The following PTPRG variants were observed in gnomAD, a reference collection of about 807,000 sequenced individuals.
The protein encoded by PTPRG is protein tyrosine phosphatase receptor type G, also known as receptor-type tyrosine-protein phosphatase gamma.
Under a neutral mutation model 165.3 loss-of-function variants are expected in PTPRG, and 102 were observed. That is an observed-to-expected ratio of 0.62 (90% CI 0.53 to 0.73). The LOEUF (loss-of-function observed/expected upper bound fraction) is 0.73. PTPRG is among the 30% of genes least tolerant of loss of function. PTPRG has a pLI of 0.00. For missense variants in PTPRG, 1,866 were observed against 1,861.4 expected, an observed-to-expected ratio of 1.00 and a Z score of -0.05; for synonymous variants, 675 against 669.5, an observed-to-expected ratio of 1.01 and a Z score of -0.13.
intron 1 of PTPRG, among the ~76,000 whole-genome samples, chr3:61,568,867 C>T (rs1699990272): frequency 6.6e-6 from 1 of 150,626 alleles, no homozygotes; most frequent in African/African-American, 2.5e-5. Context: ...GAGATTGCAC[C>T]ACTGCACTGC....
chr3:61,931,990 C>T (rs2039373686), intron 2 of PTPRG, among the ~76,000 whole-genome samples: 2 of 152,204 alleles, frequency 1.3e-5, no homozygotes, highest in South Asian at 4.1e-4. Flanking sequence ...TTATTGTACT[C>T]ATGACATTCA....
In PTPRG at chr3:61,938,810, G is replaced by A. The variant is rs552605306; in HGVS notation, c.191-50815G>A. ...AATTAACAGGTACATCTTCTGGAATGAGAAAAAAGTAATAGCATTGCTTAA... is the reference window on the plus strand; with the variant it reads ...AATTAACAGGTACATCTTCTGGAATAAGAAAAAAGTAATAGCATTGCTTAA... On this transcript the variant is annotated intron_variant, in intron 2 of 29. Transcript: ENST00000474889. Among the ~76,000 whole-genome samples the A allele has an allele frequency of 2.0e-5, 3 of 152,268 alleles. No individual in the cohort carries two copies. In the East Asian group the frequency reaches 5.8e-4, roughly 29 times the overall value.
intron 4 of PTPRG, among the ~76,000 whole-genome samples, chr3:62,072,487 C>T (rs1050605911): frequency 1.3e-5 from 2 of 152,242 alleles, no homozygotes; most frequent in Admixed American, 6.5e-5. Flanking sequence ...GCTAATGACT[C>T]TCACTTACGA....
chr3:61,638,139 T>A (rs1220666448), intron 1 of PTPRG, among the ~76,000 whole-genome samples: 1 of 152,230 alleles, frequency 6.6e-6, no homozygotes, highest in East Asian at 1.9e-4. Context: ...TTTGCAGGTA[T>A]TCCCAAGTGG....
At chr3:62,084,233 T>A (rs2526423) in intron 5 of PTPRG, among the ~76,000 whole-genome samples, 3 of 152,026 alleles carry the variant, frequency 2.0e-5, no homozygotes, top group African/African-American at 7.3e-5. Context: ...TAAGAAGTAA[T>A]TGAATTGCAT....
chr3:61,648,224 T>C (rs1702258201), intron 1 of PTPRG, among the ~76,000 whole-genome samples: 1 of 152,202 alleles, frequency 6.6e-6, no homozygotes, highest in African/African-American at 2.4e-5. Flanking sequence ...AGGAGATTCG[T>C]TAACATAGTT....
chr3:61,620,412 A>C (rs1701417405), intron 1 of PTPRG, among the ~76,000 whole-genome samples: 1 of 152,196 alleles, frequency 6.6e-6, no homozygotes, highest in African/African-American at 2.4e-5. Context: ...GGAAAATGGG[A>C]TTTGGTTGCC....
intron 2 of PTPRG, among the ~76,000 whole-genome samples, chr3:61,860,712 G>A (rs888852753): frequency 3.3e-5 from 5 of 152,056 alleles, no homozygotes; most frequent in African/African-American, 1.2e-4. Context: ...CCAAAGTGCC[G>A]GGATTACAGG....
At chr3:61,584,414 C>T (rs141709800) in intron 1 of PTPRG, among the ~76,000 whole-genome samples, 279 of 152,242 alleles carry the variant, frequency 1.8e-3, no homozygotes, top group African/African-American at 6.4e-3. Context: ...TCCAGAGTTC[C>T]TCTCTCTTAT....
At chr3:62,008,560 G>A (rs1056010607) in intron 4 of PTPRG, among the ~76,000 whole-genome samples, 5 of 152,194 alleles carry the variant, frequency 3.3e-5, no homozygotes, top group South Asian at 2.1e-4. Flanking sequence ...TCCCTTATCT[G>A]AAACTCTTGA....
At chr3:61,903,548 A>G (rs1267651732) in intron 2 of PTPRG, among the ~76,000 whole-genome samples, 1 of 151,808 alleles carries the variant, frequency 6.6e-6, no homozygotes, top group Non-Finnish European at 1.5e-5. Context: ...TAATTTTTGT[A>G]TGTTTAGTAG....
chr3:61,615,661 T>G (rs1701279219), intron 1 of PTPRG, among the ~76,000 whole-genome samples: 1 of 152,232 alleles, frequency 6.6e-6, no homozygotes, highest in Non-Finnish European at 1.5e-5. Context: ...AATCCATAAA[T>G]CCTCATCAGT....
chr3:61,959,440 G>A (rs910131881), intron 2 of PTPRG, among the ~76,000 whole-genome samples: 1 of 152,168 alleles, frequency 6.6e-6, no homozygotes, highest in South Asian at 2.1e-4. Flanking sequence ...CATCAGGCAC[G>A]TGCAACCTGG....
chr3:61,810,699 A>G lies in PTPRG; in HGVS notation c.190+61717A>G, dbSNP rs190669817. ...TTCTCAGCTCTGTCTGTGTAATGCA[A>G]TTGTCCCTACAATGGCCTTTGACAG... On this transcript the variant is annotated intron_variant, in intron 2 of 29. Coordinates refer to ENST00000474889, the MANE Select transcript of PTPRG (RefSeq NM_002841.4). Among the ~76,000 whole-genome samples the G allele has an allele frequency of 2.9e-3, 438 of 152,250 alleles. 7 individuals are homozygous for G. The highest frequency in any genetic ancestry group is 0.026 in the Admixed American group (405 of 15,292).
chr3:61,914,833 A>T (rs144185146), intron 2 of PTPRG, among the ~76,000 whole-genome samples: 99 of 152,386 alleles, frequency 6.5e-4, no homozygotes, highest in African/African-American at 2.3e-3. Flanking sequence ...GAGGATGGGC[A>T]TAGGCAGAGA....
At chr3:61,618,975 C>CAAACA (rs1491550904) in intron 1 of PTPRG, among the ~76,000 whole-genome samples, 1 of 72,950 alleles carries the variant, frequency 1.4e-5, no homozygotes, top group African/African-American at 4.0e-5. Flanking sequence ...GATCCTGTCT[C>CAAACA]AAAAAAAAAA....
chr3:61,841,422 GA>G (rs1433486851), intron 2 of PTPRG, among the ~76,000 whole-genome samples: 1 of 151,988 alleles, frequency 6.6e-6, no homozygotes, highest in Non-Finnish European at 1.5e-5. Flanking sequence ...AAAAGAAAGA[GA>G]AAAAAATATC....
chr3:61,936,343 A>G (rs939017869), intron 2 of PTPRG, among the ~76,000 whole-genome samples: 2 of 152,206 alleles, frequency 1.3e-5, no homozygotes, highest in Non-Finnish European at 2.9e-5. Context: ...AATTCTTTTC[A>G]GAGATGAGAT....
At chr3:61,804,085 C>T (rs1192035284) in intron 2 of PTPRG, among the ~76,000 whole-genome samples, 1 of 152,182 alleles carries the variant, frequency 6.6e-6, no homozygotes, top group Non-Finnish European at 1.5e-5. Flanking sequence ...TGGGAAAAAG[C>T]TTTGGTCACT....
Sources: gnomAD v4.1 joint callset for allele counts (sites outside exome capture counted in the v4.1 genomes callset) on GRCh38, gnomAD v4.1.1 for gene constraint, MANE v1.5 for transcripts, NCBI Gene and HGNC (gene_info 2026-07-23, HGNC 2026-07-21) for gene names.